The following LSR variants were observed in gnomAD, a reference collection of about 807,000 sequenced individuals.
LSR encodes lipolysis-stimulated lipoprotein receptor.
A neutral mutation model predicts 61.8 loss-of-function variants in LSR; 44 were observed. That is an observed-to-expected ratio of 0.71 (90% CI 0.56 to 0.91). The LOEUF is 0.91. Ranked by LOEUF, LSR falls within the 40% of genes least tolerant of loss-of-function variation. The pLI is 0.00. For synonymous variants in LSR, 397 were observed against 350.6 expected, an observed-to-expected ratio of 1.13 and a Z score of -1.48; for missense variants, 911 against 830.5, an observed-to-expected ratio of 1.10 and a Z score of -1.19.
rs770417186 is a variant in LSR at position 35,266,381 on chromosome 19, C to T, written c.801C>T (p.Ala267=). Residue 267 remains alanine, a synonymous_variant, in exon 6 of 10, where the codon GCC becomes GCT. Transcript: ENST00000605618. ...CAGTGTATGCCGCCGGCAAAGCAGC[C>T]ACCTCAGGTGTTCCCAGCATTTATG... The part of the protein sequence containing the change: ...PEALYAAGKA[A]TSGVPSIYAP... 3 of 1,592,302 alleles carry T rather than the reference C, an allele frequency of 1.9e-6. No individual in the cohort carries two copies. Among genetic ancestry groups the T allele is most frequent in the Non-Finnish European group, 2.6e-6 (3 of 1,169,378 alleles).
intron 3 of LSR, chr19:35,259,411 G>C (rs924434865): frequency 5.2e-6 from 1 of 192,946 alleles, no homozygotes; most frequent in African/African-American, 2.4e-5. Flanking sequence ...AGGCCGAGGC[G>C]GGTGGATCAC....
chr19:35,263,357 C>A (rs2065955832), intron 5 of LSR, among the ~76,000 whole-genome samples: 1 of 151,708 alleles, frequency 6.6e-6, no homozygotes, highest in African/African-American at 2.4e-5. Context: ...ATGATTTAAG[C>A]AAAAAAAATT....
chr19:35,249,388 G>A (rs2065761339), intron 1 of LSR: 2 of 501,672 alleles, frequency 4.0e-6, no homozygotes, highest in East Asian at 3.7e-5. Flanking sequence ...GGAGCGGCAG[G>A]GAGAATGGAA....
At chr19:35,250,165 C>T in intron 1 of LSR, 150 bp from the exon 2 acceptor site, 1 of 552,402 alleles carries the variant, frequency 1.8e-6, no homozygotes, top group Non-Finnish European at 3.2e-6. Context: ...TCGTGGCTAC[C>T]TCACTGGTCC....
chr19:35,266,947 C>G lies in LSR; in HGVS notation c.1124C>G (p.Pro375Arg), dbSNP rs764830985. Residue 375 changes from proline to arginine, a missense_variant, in exon 8 of 10, where the codon CCC (proline) becomes CGC (arginine). Pro to Arg is a moderately radical substitution (Grantham distance 103). Transcript: ENST00000605618. ...ANFDPSRPGP[P>R]SGRVERAMSE... Reference sequence around the variant, plus strand: ...TTCGACCCTTCTCGACCTGGCCCCCCCAGTGGCCGTGTGGAGCGGGGTAAG... The same window carrying G: ...TTCGACCCTTCTCGACCTGGCCCCCGCAGTGGCCGTGTGGAGCGGGGTAAG... 3.2e-5 allele frequency: 52 copies of G among 1,613,204 alleles called. No individual in the cohort carries two copies. The highest frequency in any genetic ancestry group is 1.7e-4 in the Middle Eastern group (1 of 6,058).
intron 2 of LSR, among the ~76,000 whole-genome samples, chr19:35,251,126 C>T (rs1465922039): frequency 6.6e-6 from 1 of 152,102 alleles, no homozygotes; most frequent in Non-Finnish European, 1.5e-5. Flanking sequence ...TTCTGCTAAT[C>T]CTTCCATTCT....
At chr19:35,266,259 G>T in intron 5 of LSR, 100 bp from the exon 6 acceptor site, 1 of 925,940 alleles carries the variant, frequency 1.1e-6, no homozygotes, top group Non-Finnish European at 1.6e-6. Context: ...AGGACGGCTT[G>T]GGAAGGAGGT....
chr19:35,262,141 C>T (rs1354572397), intron 4 of LSR, among the ~76,000 whole-genome samples, 160 bp downstream of exon 4: 5 of 152,174 alleles, frequency 3.3e-5, no homozygotes, highest in South Asian at 2.1e-4. Flanking sequence ...AGTGGTCTGG[C>T]GCTGGGCCTA....
Position 35,267,886 on chromosome 19 carries a change from ATT to A in LSR, c.*37_*38del, listed in dbSNP as rs750644993. Reference sequence around the variant, plus strand: ...CTGACGTTTTCTACGTAGCTTTTGTATTTTTTTTTTTAATTTGAAGGAACACT... The same window carrying A: ...CTGACGTTTTCTACGTAGCTTTTGTATTTTTTTTTAATTTGAAGGAACACT... On this transcript the variant is annotated 3_prime_UTR_variant, in exon 10 of 10. Transcript: ENST00000605618. The A allele has an allele frequency of 2.8e-5, 37 of 1,320,584 alleles. No homozygotes were observed. The highest frequency in any genetic ancestry group is 1.1e-4 in the South Asian group (8 of 75,406). 81.8% of individuals were successfully genotyped at this position (1,320,584 alleles called of 1,614,324 possible).
In LSR at chr19:35,267,703, C is replaced by T; in HGVS notation, c.1739C>T (p.Ser580Leu). Residue 580 changes from serine to leucine, a missense_variant, in exon 9 of 10, where the codon TCG (serine) becomes TTG (leucine). Coordinates refer to ENST00000605618, the MANE Select transcript of LSR (RefSeq NM_205834.4). Reference sequence around the variant, plus strand: ...CCGCCCCCGTACTCGGAGACCGACTCGCAGGCGTCCCGAGAGCGCAGGCTC... The same window carrying T: ...CCGCCCCCGTACTCGGAGACCGACTTGCAGGCGTCCCGAGAGCGCAGGCTC... ...PAPPPYSETD[S>L]QASRERRLKK... 6.2e-7 allele frequency: 1 copy of T among 1,603,154 alleles called. No individual in the cohort carries two copies. Among genetic ancestry groups the T allele is most frequent in the Middle Eastern group, 1.7e-4 (1 of 5,982 alleles).
intron 5 of LSR, among the ~76,000 whole-genome samples, chr19:35,263,868 G>T (rs916299111): frequency 2.0e-5 from 3 of 151,374 alleles, no homozygotes; most frequent in Non-Finnish European, 4.4e-5. Flanking sequence ...GTAAAGTGGC[G>T]TGATCTCTGC....
At chr19:35,267,043 G>A in intron 8 of LSR, 66 bp from the exon 9 acceptor site, 1 of 1,552,076 alleles carries the variant, frequency 6.4e-7, no homozygotes, top group South Asian at 1.2e-5. Context: ...CTGCCGCAGG[G>A]ACTCTTGGTG....
intron 2 of LSR, among the ~76,000 whole-genome samples, chr19:35,256,722 GAATGAA>G (rs1326431076): frequency 8.0e-6 from 1 of 124,810 alleles, no homozygotes; most frequent in African/African-American, 3.0e-5. Flanking sequence ...ATGAATGAAT[GAATGAA>G]TGAAAGAAAG....
rs148615415 is a variant in LSR at position 35,260,457 on chromosome 19, A to G, written c.574+1393A>G. 3.5e-3 allele frequency among the ~76,000 whole-genome samples: 529 copies of G among 151,608 alleles called. 14 individuals are homozygous for G. The East Asian group carries it at 0.053, about 15-fold the overall frequency. On this transcript the variant is annotated intron_variant, in intron 3 of 9. Transcript: ENST00000605618. ...CAGGCACCCGCCACCACACCCGGCT[A>G]ATTTTTTTTGTATTTTTAGTAGAGA...
intron 2 of LSR, among the ~76,000 whole-genome samples, chr19:35,253,928 C>G (rs2065825919): frequency 6.6e-6 from 1 of 152,150 alleles, no homozygotes; most frequent in African/African-American, 2.4e-5. Context: ...AGGCCTGGGT[C>G]TTTCAAACCA....
chr19:35,266,120 C>T (rs530820217), intron 5 of LSR, among the ~76,000 whole-genome samples: 1 of 152,340 alleles, frequency 6.6e-6, no homozygotes, highest in South Asian at 2.1e-4. Context: ...TGCGTGCACC[C>T]TCTGAAAAAT....
Position 35,267,210 on chromosome 19 carries a change from T to G in LSR, c.1246T>G (p.Ser416Ala). The change falls in exon 9 of 10, where the codon TCC becomes GCC. Residue 416 changes from serine (S) to alanine (A), a missense_variant. By Grantham distance (99) the Ser-to-Ala change is moderately conservative. Coordinates refer to ENST00000605618, the MANE Select transcript of LSR (RefSeq NM_205834.4). Reference sequence around the variant, plus strand: ...CCGGGATGAGGAGTGGGGTGGCCACTCCCCCCGGAGTCCCAGGGGATGGGA... The same window carrying G: ...CCGGGATGAGGAGTGGGGTGGCCACGCCCCCCGGAGTCCCAGGGGATGGGA... ...PIRDEEWGGHSPRSPRGWDQE... is the reference protein window; with the variant it reads ...PIRDEEWGGHAPRSPRGWDQE... The G allele has an allele frequency of 6.6e-7, 1 of 1,519,096 alleles. No individual in the cohort carries two copies. 94.1% of individuals were successfully genotyped at this position (1,519,096 alleles called of 1,614,324 possible).
chr19:35,249,060 G>T lies in LSR; in HGVS notation c.38G>T (p.Gly13Val). 6.4e-7 allele frequency: 1 copy of T among 1,573,930 alleles called. No homozygotes were observed. Among genetic ancestry groups the T allele is most frequent in the Middle Eastern group, 2.0e-4 (1 of 4,996 alleles). ...GCCGGCGGGCTCTCCAGAGGGCTGG[G>T]CTCCCACCCGGCCGCCGCAGGCCGG... Reference protein sequence around the residue: ...LLAGGLSRGLGSHPAAAGRDA... With the variant: ...LLAGGLSRGLVSHPAAAGRDA... Residue 13 changes from glycine to valine, a missense_variant, in exon 1 of 10, where the codon GGC becomes GTC. Gly to Val is a moderately radical substitution (Grantham distance 109). Coordinates refer to ENST00000605618, the MANE Select transcript of LSR (RefSeq NM_205834.4).
In LSR at chr19:35,261,952, T is replaced by TA. The variant is rs2065935110; in HGVS notation, c.603dup (p.Pro202ThrfsTer112). ...AGGACCTCAGGGGTGGCTGAGCTCT[T>TA]ACCTGGTTTTCAGGCGGGGCCCATA... On this transcript the variant is annotated frameshift_variant, in exon 4 of 10. Transcript: ENST00000605618. LOFTEE classifies it high-confidence loss of function. The TA allele has an allele frequency of 6.7e-7, 1 of 1,498,742 alleles. No homozygotes were observed. Among genetic ancestry groups the TA allele is most frequent in the African/African-American group, 1.5e-5 (1 of 67,772 alleles). The allele number at this position is 1,498,742 out of a possible 1,614,324, so 92.8% of individuals were successfully genotyped here. A position where few individuals can be genotyped will look rare whatever the true frequency, so the allele number is the denominator to read the frequency against.
Sources: allele counts gnomAD v4.1 joint callset (sites outside exome capture counted in the v4.1 genomes callset), GRCh38; gene constraint gnomAD v4.1.1; transcripts MANE v1.5; gene names NCBI Gene and HGNC (gene_info 2026-07-23, HGNC 2026-07-21).